The following ADGRB3 variants were observed in gnomAD, a reference collection of about 807,000 sequenced individuals.
ADGRB3 encodes adhesion G protein-coupled receptor B3.
A neutral mutation model predicts 193.4 loss-of-function variants in ADGRB3; 37 were observed. The ratio of observed to expected loss-of-function variants is 0.19; its 90% CI spans 0.15 to 0.25. ADGRB3 has a LOEUF of 0.25. Among genes scored for constraint, ADGRB3 ranks in the 10% least tolerant of loss-of-function variants. The probability of loss-of-function intolerance (pLI) is 1.00; values close to 1 mark genes in which losing one functional copy is unlikely to be tolerated. For synonymous variants in ADGRB3, 690 were observed against 644.2 expected (o/e 1.07, Z -1.08); for missense variants, 1,637 against 1,852.9 (o/e 0.88, Z 2.14).
chr6:68,916,956 A>G (rs1217804904), intron 3 of ADGRB3, among the ~76,000 whole-genome samples: 1 of 152,146 alleles, frequency 6.6e-6, no homozygotes, highest in African/African-American at 2.4e-5. Flanking sequence ...CTTGTAAAGG[A>G]TCTGTCCCTG....
At chr6:69,227,609 A>G (rs1363943929) in intron 17 of ADGRB3, among the ~76,000 whole-genome samples, 1 of 152,198 alleles carries the variant, frequency 6.6e-6, no homozygotes, top group Non-Finnish European at 1.5e-5. Flanking sequence ...ACATATTATT[A>G]GATTGTGTAT....
intron 20 of ADGRB3, among the ~76,000 whole-genome samples, chr6:69,257,912 G>T (rs767052812): frequency 1.3e-5 from 2 of 152,152 alleles, no homozygotes; most frequent in African/African-American, 2.4e-5. Flanking sequence ...AGTGCTTGTT[G>T]GCAGACCTGT....
intron 20 of ADGRB3, among the ~76,000 whole-genome samples, chr6:69,303,955 A>G (rs1447963587): frequency 6.6e-6 from 1 of 151,958 alleles, no homozygotes; most frequent in African/African-American, 2.4e-5. Context: ...AAGCCTCTTT[A>G]TTCAAATAAT....
chr6:68,657,571 G>A (rs1469968576), intron 3 of ADGRB3, among the ~76,000 whole-genome samples: 1 of 151,338 alleles, frequency 6.6e-6, no homozygotes, highest in Non-Finnish European at 1.5e-5. Flanking sequence ...ATGTGATCAA[G>A]CAGCTGGCCA....
intron 3 of ADGRB3, among the ~76,000 whole-genome samples, chr6:68,819,062 C>CG (rs2127379385): frequency 6.6e-6 from 1 of 152,176 alleles, no homozygotes; most frequent in South Asian, 2.1e-4. Context: ...GTTTATTCCA[C>CG]GGAGAAAATT....
chr6:68,768,328 G>C (rs1365190361), intron 3 of ADGRB3, among the ~76,000 whole-genome samples: 4 of 152,130 alleles, frequency 2.6e-5, no homozygotes, highest in African/African-American at 9.7e-5. Flanking sequence ...GCATGGTACT[G>C]TTACCAAAAC....
At chr6:69,384,016 T>A (rs999681083) in intron 31 of ADGRB3, among the ~76,000 whole-genome samples, 1 of 152,038 alleles carries the variant, frequency 6.6e-6, no homozygotes. Context: ...TCCTGATTAG[T>A]AATGTTAGCT....
intron 3 of ADGRB3, among the ~76,000 whole-genome samples, chr6:68,926,922 G>A (rs1283938686): frequency 6.6e-6 from 1 of 152,020 alleles, no homozygotes; most frequent in Non-Finnish European, 1.5e-5. Context: ...AAATTGTACT[G>A]AAGGAAATTA....
chr6:68,812,370 C>A (rs984608755), intron 3 of ADGRB3, among the ~76,000 whole-genome samples: 39 of 151,646 alleles, frequency 2.6e-4, no homozygotes, highest in African/African-American at 8.7e-4. Context: ...TAAAGGAAAC[C>A]CACTTTTGAA....
At chr6:69,089,486 G>A (rs150736571) in intron 17 of ADGRB3, among the ~76,000 whole-genome samples, 27 of 152,132 alleles carry the variant, frequency 1.8e-4, no homozygotes, top group Middle Eastern at 3.4e-3. Flanking sequence ...GAAATACATG[G>A]ACACTTCTTA....
chr6:68,677,509 T>C (rs945110896), intron 3 of ADGRB3, among the ~76,000 whole-genome samples: 1 of 137,602 alleles, frequency 7.3e-6, no homozygotes, highest in Non-Finnish European at 1.6e-5. Flanking sequence ...TTTTTCTTTT[T>C]TTTCTTTTTT....
At chr6:69,354,014 G>A (rs1769283476) in intron 26 of ADGRB3, among the ~76,000 whole-genome samples, 1 of 152,140 alleles carries the variant, frequency 6.6e-6, no homozygotes, top group Non-Finnish European at 1.5e-5. Flanking sequence ...AGTGAGGCAG[G>A]ATCGCACCAT....
chr6:68,922,687 A>T (rs2150242898), intron 3 of ADGRB3, among the ~76,000 whole-genome samples: 1 of 152,268 alleles, frequency 6.6e-6, no homozygotes, highest in East Asian at 1.9e-4. Flanking sequence ...CAGGAGGAGG[A>T]AACAGGTGCA....
chr6:69,273,473 T>A (rs1002168436), intron 20 of ADGRB3, among the ~76,000 whole-genome samples: 2 of 152,216 alleles, frequency 1.3e-5, no homozygotes, highest in African/African-American at 4.8e-5. Flanking sequence ...AAATCCTTTG[T>A]GTTGGCTCTT....
At chr6:68,844,683 C>T (rs1310072361) in intron 3 of ADGRB3, among the ~76,000 whole-genome samples, 1 of 152,154 alleles carries the variant, frequency 6.6e-6, no homozygotes, top group African/African-American at 2.4e-5. Flanking sequence ...TATTGCATTA[C>T]TCTTCAAATA....
At chr6:68,790,338 C>A (rs1767076066) in intron 3 of ADGRB3, among the ~76,000 whole-genome samples, 1 of 152,172 alleles carries the variant, frequency 6.6e-6, no homozygotes, top group Non-Finnish European at 1.5e-5. Context: ...GCCTGCCTGC[C>A]TCTGTAGGCT....
chr6:69,183,072 A>G (rs1764967493), intron 17 of ADGRB3, among the ~76,000 whole-genome samples: 1 of 152,192 alleles, frequency 6.6e-6, no homozygotes, highest in Admixed American at 6.5e-5. Flanking sequence ...TTCTATGCCA[A>G]CGAAGCAATT....
chr6:69,021,782 G>A (rs961646892), intron 13 of ADGRB3, among the ~76,000 whole-genome samples: 45 of 151,846 alleles, frequency 3.0e-4, no homozygotes, highest in Admixed American at 7.9e-4. Context: ...GAAAAAGTTC[G>A]AAGCTTCTTT....
chr6:68,690,736 G>C (rs1765058617), intron 3 of ADGRB3, among the ~76,000 whole-genome samples: 1 of 151,974 alleles, frequency 6.6e-6, no homozygotes, highest in African/African-American at 2.4e-5. Flanking sequence ...CCTACTATAA[G>C]GATTAAGTAC....
Sources: allele counts gnomAD v4.1 joint callset (sites outside exome capture counted in the v4.1 genomes callset), GRCh38; gene constraint gnomAD v4.1.1; transcripts MANE v1.5; gene names NCBI Gene and HGNC (gene_info 2026-07-23, HGNC 2026-07-21).